Variants in ALK observed in about 807,000 individuals in gnomAD.
ALK encodes ALK receptor tyrosine kinase.
ALK carries 74 observed loss-of-function variants against 163.1 expected under a neutral mutation model. That is an observed-to-expected ratio of 0.45 (90% CI 0.38 to 0.55). The LOEUF (loss-of-function observed/expected upper bound fraction) is 0.55. ALK is among the 20% of genes least tolerant of loss of function. The pLI, the probability that ALK is intolerant of heterozygous loss-of-function variation, is 0.00. For synonymous variants in ALK, 960 were observed against 843.2 expected (o/e 1.14, Z -2.40); for missense variants, 2,063 against 2,105.3 (o/e 0.98, Z 0.39).
chr2:29,910,701 C>G (rs780007535), intron 1 of ALK, among the ~76,000 whole-genome samples: 19 of 152,284 alleles, frequency 1.2e-4, no homozygotes, highest in South Asian at 4.1e-4. Context: ...AATGGAGCAA[C>G]AGCATTAAAG....
At chr2:29,919,721 G>A (rs1056621903) in intron 1 of ALK, among the ~76,000 whole-genome samples, 3 of 152,136 alleles carry the variant, frequency 2.0e-5, no homozygotes, top group Non-Finnish European at 2.9e-5. Flanking sequence ...CTCGGACAGC[G>A]TATAAGTCCA....
intron 1 of ALK, among the ~76,000 whole-genome samples, chr2:29,769,678 G>T (rs750341164): frequency 5.3e-5 from 8 of 152,184 alleles, no homozygotes; most frequent in Non-Finnish European, 1.2e-4. Context: ...CCTCTTTAGA[G>T]GAGTGATCAG....
At chr2:29,588,373 G>A (rs1200380620) in intron 3 of ALK, among the ~76,000 whole-genome samples, 1 of 152,084 alleles carries the variant, frequency 6.6e-6, no homozygotes, top group Non-Finnish European at 1.5e-5. Flanking sequence ...TGGGATTACA[G>A]GCACCCACCA....
At chr2:29,524,322 G>A (rs939142732) in intron 4 of ALK, among the ~76,000 whole-genome samples, 1 of 152,206 alleles carries the variant, frequency 6.6e-6, no homozygotes, top group Admixed American at 6.5e-5. Context: ...TTTCAGAGGA[G>A]TCCTCCTGAG....
chr2:29,855,075 T>G (rs1335393252), intron 1 of ALK, among the ~76,000 whole-genome samples: 1 of 152,194 alleles, frequency 6.6e-6, no homozygotes, highest in African/African-American at 2.4e-5. Flanking sequence ...GCAGGGACGA[T>G]GTCTGTCTTA....
At chr2:29,738,360 TTGTA>T (rs1558466612) in intron 1 of ALK, among the ~76,000 whole-genome samples, 1 of 152,102 alleles carries the variant, frequency 6.6e-6, no homozygotes. Flanking sequence ...CATGCTCATG[TTGTA>T]TGTATCATTA....
intron 3 of ALK, among the ~76,000 whole-genome samples, chr2:29,572,838 C>T (rs1206657543): frequency 1.3e-5 from 2 of 152,174 alleles, no homozygotes; most frequent in Non-Finnish European, 2.9e-5. Context: ...GGGCCTCTTC[C>T]TCCCCTCCCC....
intron 26 of ALK, among the ~76,000 whole-genome samples, chr2:29,205,570 G>A (rs1439336427): frequency 6.6e-6 from 1 of 152,154 alleles, no homozygotes; most frequent in Non-Finnish European, 1.5e-5. Flanking sequence ...GAGGCTCTAG[G>A]GGATAATCTG....
chr2:29,565,267 A>G (rs938374836), intron 3 of ALK, among the ~76,000 whole-genome samples: 1 of 152,200 alleles, frequency 6.6e-6, no homozygotes, highest in Non-Finnish European at 1.5e-5. Context: ...AAGATCTAAG[A>G]GCAAGGACAT....
chr2:29,461,815 C>T (rs80345697), intron 4 of ALK, among the ~76,000 whole-genome samples: 31 of 151,972 alleles, frequency 2.0e-4, no homozygotes, highest in African/African-American at 5.8e-4. Context: ...TAAATGCATT[C>T]GTTAGGCTGT....
At chr2:29,315,190 G>C (rs1267090402) in intron 8 of ALK, among the ~76,000 whole-genome samples, 1 of 152,050 alleles carries the variant, frequency 6.6e-6, no homozygotes, top group Non-Finnish European at 1.5e-5. Context: ...AAATATTCAT[G>C]CCCCGTGTGT....
intron 3 of ALK, among the ~76,000 whole-genome samples, chr2:29,683,465 A>G (rs1358993761): frequency 2.6e-5 from 4 of 152,166 alleles, no homozygotes; most frequent in Non-Finnish European, 4.4e-5. Flanking sequence ...GATGTAGAAA[A>G]TTCAAAGTGG....
intron 1 of ALK, among the ~76,000 whole-genome samples, chr2:29,737,653 G>C (rs538230086): frequency 6.6e-6 from 1 of 152,026 alleles, no homozygotes; most frequent in Non-Finnish European, 1.5e-5. Context: ...TGGCAAACTA[G>C]GGAATCCAGA....
At chr2:29,647,995 C>T (rs1483673388) in intron 3 of ALK, among the ~76,000 whole-genome samples, 1 of 152,020 alleles carries the variant, frequency 6.6e-6, no homozygotes, top group African/African-American at 2.4e-5. Flanking sequence ...TTATCATGTT[C>T]ATCTGTAAGT....
At chr2:29,482,082 T>G (rs1418110072) in intron 4 of ALK, among the ~76,000 whole-genome samples, 1 of 152,194 alleles carries the variant, frequency 6.6e-6, no homozygotes, top group Non-Finnish European at 1.5e-5. Context: ...AAACCTGTAG[T>G]ATATCCCTCT....
At chr2:29,781,700 C>G (rs1224802946) in intron 1 of ALK, among the ~76,000 whole-genome samples, 2 of 152,210 alleles carry the variant, frequency 1.3e-5, no homozygotes, top group African/African-American at 2.4e-5. Flanking sequence ...AGTAGCTCAT[C>G]ATTGAGTGCA....
In ALK at chr2:29,284,444, C is replaced by T. The variant is rs963287387; in HGVS notation, c.1818-8948G>A. The stretch of plus-strand genomic sequence containing the variant: ...GCTGAGAACACAGGGCTACATTTTC[C>T]GAGACATTAAGAATTATGAAAAACA... On this transcript the variant is annotated intron_variant, in intron 9 of 28. Transcript: ENST00000389048. Among the ~76,000 whole-genome samples, 23 of 152,186 alleles carry T rather than the reference C, an allele frequency of 1.5e-4. No individual in the cohort carries two copies. In the South Asian group the frequency reaches 2.7e-3, roughly 18 times the overall value.
intron 3 of ALK, among the ~76,000 whole-genome samples, chr2:29,595,050 C>T (rs1487479778): frequency 6.6e-6 from 1 of 152,132 alleles, no homozygotes; most frequent in Non-Finnish European, 1.5e-5. Flanking sequence ...CGATTAAAAA[C>T]ATCTGAATGA....
chr2:29,618,409 A>ATT (rs373897220), intron 3 of ALK, among the ~76,000 whole-genome samples: 1 of 145,578 alleles, frequency 6.9e-6, no homozygotes, highest in Non-Finnish European at 1.5e-5. Context: ...TCAGTTTGTC[A>ATT]TTTTTTTTTT....
Sources: gnomAD v4.1 joint callset for allele counts (sites outside exome capture counted in the v4.1 genomes callset) on GRCh38, gnomAD v4.1.1 for gene constraint, MANE v1.5 for transcripts, NCBI Gene and HGNC (gene_info 2026-07-23, HGNC 2026-07-21) for gene names.